RPS6KA6: variants seen among roughly 807,000 people sequenced by gnomAD.
RPS6KA6 encodes the protein ribosomal protein S6 kinase A6, also known as ribosomal protein S6 kinase alpha-6.
Under a neutral mutation model 65.4 loss-of-function variants are expected in RPS6KA6, and 27 were observed. The observed-to-expected ratio is 0.41, with a 90% CI of 0.30 to 0.57. The LOEUF (loss-of-function observed/expected upper bound fraction) is 0.57, where lower values mean the gene tolerates loss of function less well. Ranked by LOEUF, RPS6KA6 falls within the 20% of genes least tolerant of loss-of-function variation. RPS6KA6 has a pLI of 0.24. For synonymous variants in RPS6KA6, 190 were observed against 184.2 expected (o/e 1.03, Z -0.26); for missense variants, 486 against 555.6 (o/e 0.87, Z 1.26).
intron 20 of RPS6KA6, among the ~76,000 whole-genome samples, chrX:84,075,017 G>A (rs1456153062): frequency 8.9e-6 from 1 of 111,837 alleles, no homozygotes; most frequent in Non-Finnish European, 1.9e-5. Context: ...GGTGGATCAT[G>A]AGGTCAGGAG....
chrX:84,078,825 C>G (rs959695016), intron 20 of RPS6KA6, among the ~76,000 whole-genome samples: 3 of 111,130 alleles, frequency 2.7e-5, no homozygotes, highest in Non-Finnish European at 5.7e-5. Context: ...AATTACAAAA[C>G]AGCATGAGGA....
chrX:84,099,275 C>T (rs2034216083), intron 18 of RPS6KA6, among the ~76,000 whole-genome samples: 1 of 111,291 alleles, frequency 9.0e-6, no homozygotes, highest in Non-Finnish European at 1.9e-5. Context: ...AAAGAAGAAA[C>T]AGTCCACTTT....
rs150505487 is a variant in RPS6KA6 at position 84,105,283 on chromosome X, G to C, written c.1455+504C>G. Among the ~76,000 whole-genome samples the C allele has an allele frequency of 5.6e-3, 627 of 110,995 alleles. 3 individuals are homozygous for C. Among genetic ancestry groups the C allele is most frequent in the African/African-American group, 0.02 (607 of 30,747 alleles). On this transcript the variant is annotated intron_variant, in intron 16 of 21. Coordinates refer to ENST00000262752, the MANE Select transcript of RPS6KA6 (RefSeq NM_014496.5). ...AGTTGACTTTTCTGTCTTGTATAAA[G>C]AGAAAAGAACATTATCTCCTTATGT...
At chrX:84,117,949 C>G (rs6622918) in intron 9 of RPS6KA6, among the ~76,000 whole-genome samples, 2 of 110,408 alleles carry the variant, frequency 1.8e-5, no homozygotes, top group Non-Finnish European at 3.8e-5. Flanking sequence ...CCACCACCAC[C>G]CCCTGCCACA....
At chrX:84,078,437 A>G (rs190457698) in intron 20 of RPS6KA6, among the ~76,000 whole-genome samples, 107 of 109,775 alleles carry the variant, frequency 9.7e-4, no homozygotes, top group African/African-American at 3.5e-3. Context: ...CATTCTGCTC[A>G]TAGGTATTTA....
At chrX:84,097,301 T>C (rs2034176837) in intron 19 of RPS6KA6, among the ~76,000 whole-genome samples, 1 of 111,203 alleles carries the variant, frequency 9.0e-6, no homozygotes, top group African/African-American at 3.2e-5. Flanking sequence ...TGAGCTTTTC[T>C]TTATCCTTTC....
chrX:84,071,073 G>T (rs137965619), intron 20 of RPS6KA6, among the ~76,000 whole-genome samples: 1,178 of 111,539 alleles, frequency 0.011, 19 homozygotes, highest in African/African-American at 0.034. Flanking sequence ...TGCTGTGCAG[G>T]TAAGGGAAAC....
rs778284706 is a variant in RPS6KA6 at position 84,083,227 on chromosome X, C to T, written c.1971+12967G>A. 3.5e-5 allele frequency among the ~76,000 whole-genome samples: 4 copies of T among 112,879 alleles called. No individual in the cohort carries two copies. The East Asian group carries it at 8.3e-4, about 23-fold the overall frequency. On this transcript the variant is annotated intron_variant, in intron 20 of 21. Coordinates refer to ENST00000262752, the MANE Select transcript of RPS6KA6 (RefSeq NM_014496.5). The stretch of plus-strand genomic sequence containing the variant: ...ACAAAGGGTTAATATCCAGAATCTA[C>T]AAGGAACTTAAACAATTTTACAAGA...
chrX:84,069,239 G>A (rs2147328365), intron 20 of RPS6KA6, among the ~76,000 whole-genome samples: 1 of 111,681 alleles, frequency 9.0e-6, no homozygotes, highest in Non-Finnish European at 1.9e-5. Flanking sequence ...GAACAGAACA[G>A]AGGCCTCAGC....
At chrX:84,125,937 G>C (rs11092122) in intron 8 of RPS6KA6, among the ~76,000 whole-genome samples, 1 of 110,121 alleles carries the variant, frequency 9.1e-6, no homozygotes, top group Non-Finnish European at 1.9e-5. Flanking sequence ...AGGAGGGCAG[G>C]GAGGAAGAAA....
intron 20 of RPS6KA6, among the ~76,000 whole-genome samples, chrX:84,087,968 T>G (rs1193784083): frequency 8.9e-6 from 1 of 112,230 alleles, no homozygotes; most frequent in Non-Finnish European, 1.9e-5. Context: ...TGTGATTACG[T>G]TGTGAAGTTC....
Position 84,059,119 on chromosome X carries a change from T to TC in RPS6KA6, c.*5157_*5158insG, listed in dbSNP as rs1391568706. On this transcript the variant is annotated 3_prime_UTR_variant, in exon 22 of 22. Transcript: ENST00000262752. Reference sequence around the variant, plus strand: ...TTTAAATGGCTGTTTCTTTTCTTTTTTTTTTTTTTTTTTTTTTTTTTTTTT... The same window carrying TC: ...TTTAAATGGCTGTTTCTTTTCTTTTTCTTTTTTTTTTTTTTTTTTTTTTTTT... 1.6e-5 allele frequency: 1 copy of TC among 62,705 alleles called. No homozygotes were observed. The highest frequency in any genetic ancestry group is 5.9e-4 in the East Asian group (1 of 1,685). The allele number at this position is 62,705 out of a possible 1,213,427, so 5.2% of individuals were successfully genotyped here.
intron 2 of RPS6KA6, among the ~76,000 whole-genome samples, chrX:84,156,885 C>T (rs897672661): frequency 1.8e-5 from 2 of 111,650 alleles, no homozygotes; most frequent in African/African-American, 6.5e-5. Context: ...TACAGAAGCA[C>T]AATAGCTAGG....
rs35459607 is a variant in RPS6KA6 at position 84,122,361 on chromosome X, GTTTTTTTTTTT to G, written c.647-2345_647-2335del. On this transcript the variant is annotated intron_variant, in intron 8 of 21. Transcript: ENST00000262752. ...AGGAAGCTTTTGTTATTTTTTTTAA[GTTTTTTTTTTT>G]TTTTTTTTTTTTTTTGAGACAGAGT... is the stretch of plus-strand genomic sequence containing the variant. Among the ~76,000 whole-genome samples, 154 of 43,018 alleles carry G rather than the reference GTTTTTTTTTTT, an allele frequency of 3.6e-3. 1 individual carries two copies. Among genetic ancestry groups the G allele is most frequent in the African/African-American group, 0.012 (138 of 11,753 alleles). The allele number at this position is 43,018 out of a possible 115,157, so 37.4% of individuals were successfully genotyped here. A position where few individuals can be genotyped will look rare whatever the true frequency, so the allele number is the denominator to read the frequency against.
At chrX:84,066,295 G>A (rs2033401440) in intron 20 of RPS6KA6, among the ~76,000 whole-genome samples, 1 of 107,979 alleles carries the variant, frequency 9.3e-6, no homozygotes, top group Non-Finnish European at 1.9e-5. Flanking sequence ...CCGAAGCCAG[G>A]GAGCCAAGTG....
At chrX:84,139,840 G>A (rs767410693) in intron 6 of RPS6KA6, among the ~76,000 whole-genome samples, 33 of 112,116 alleles carry the variant, frequency 2.9e-4, no homozygotes, top group Non-Finnish European at 4.7e-4. Flanking sequence ...CTGAGAGACA[G>A]GGGACAAATG....
At chrX:84,160,764 A>G (rs899406239) in intron 2 of RPS6KA6, among the ~76,000 whole-genome samples, 1 of 111,117 alleles carries the variant, frequency 9.0e-6, no homozygotes, top group African/African-American at 3.3e-5. Context: ...TTCAGTGAAT[A>G]ATATGGGGTC....
chrX:84,099,137 G>A (rs2034213171), intron 18 of RPS6KA6, among the ~76,000 whole-genome samples: 1 of 111,209 alleles, frequency 9.0e-6, no homozygotes, highest in African/African-American at 3.3e-5. Flanking sequence ...TACTTGGACA[G>A]GTGAGAATTA....
intron 21 of RPS6KA6, 49 bp from the exon 22 acceptor site, chrX:84,064,451 A>C (rs2033356702): frequency 3.8e-6 from 3 of 795,951 alleles, no homozygotes; most frequent in Non-Finnish European, 5.0e-6. Flanking sequence ...TCTGGAGTTA[A>C]AAAAAAAAAA....
Sources: gnomAD v4.1 joint callset for allele counts (sites outside exome capture counted in the v4.1 genomes callset) on GRCh38, gnomAD v4.1.1 for gene constraint, MANE v1.5 for transcripts, NCBI Gene and HGNC (gene_info 2026-07-23, HGNC 2026-07-21) for gene names.